Variants in ANKRD30A observed in about 807,000 individuals in gnomAD.
The protein encoded by ANKRD30A is ankyrin repeat domain 30A.
In ANKRD30A, 170 loss-of-function variants were observed where a neutral mutation model predicts 166.3. The observed-to-expected ratio is 1.02, with a 90% confidence interval of 0.90 to 1.16. The LOEUF is 1.16. Among genes scored for constraint, ANKRD30A ranks in the 50% most tolerant of loss-of-function variants. The pLI is 0.00. For missense variants in ANKRD30A, 1,630 were observed against 1,518.0 expected (o/e 1.07, Z -1.23); for synonymous variants, 564 against 508.9 (o/e 1.11, Z -1.46).
chr10:37,133,809 A>G, intron 4 of ANKRD30A, 107 bp from the exon 5 acceptor site: 1 of 1,343,270 alleles, frequency 7.4e-7, no homozygotes, highest in Non-Finnish European at 1.0e-6. Context: ...TTGAGCACTC[A>G]AGATACTTAT....
Position 37,206,776 on chromosome 10 carries a change from A to C in ANKRD30A, c.2869+5451A>C, listed in dbSNP as rs1842018267. ...TCCACTGCACTCCAGCCTGGGTGGCAGAGTGAGACTCCCATCTCAAAAAAA... is the reference window on the plus strand; with the variant it reads ...TCCACTGCACTCCAGCCTGGGTGGCCGAGTGAGACTCCCATCTCAAAAAAA... On this transcript the variant is annotated intron_variant, in intron 31 of 35. Transcript: ENST00000361713. Among the ~76,000 whole-genome samples the C allele has an allele frequency of 2.0e-5, 3 of 152,150 alleles. No individual in the cohort carries two copies. In the South Asian group the frequency reaches 6.2e-4, roughly 32 times the overall value.
intron 13 of ANKRD30A, among the ~76,000 whole-genome samples, chr10:37,156,354 G>A (rs1838379939): frequency 1.3e-5 from 2 of 151,932 alleles, no homozygotes; most frequent in South Asian, 4.1e-4. Flanking sequence ...CAACTCCAGT[G>A]TACCCCTTTA....
chr10:37,261,415 TA>T, the ANKRD30A span, among the ~76,000 whole-genome samples: 16 of 152,322 alleles, frequency 1.1e-4, no homozygotes, highest in East Asian at 2.9e-3. Flanking sequence ...TCAGCCATTA[TA>T]AATTGATTTT....
chr10:37,153,243 G>T (rs972309579), intron 12 of ANKRD30A, among the ~76,000 whole-genome samples: 4 of 152,132 alleles, frequency 2.6e-5, no homozygotes, highest in African/African-American at 7.2e-5. Context: ...ATTTATTTTT[G>T]ATGAGGACTA....
chr10:37,202,864 A>G (rs1016606071), intron 31 of ANKRD30A, among the ~76,000 whole-genome samples: 1 of 152,236 alleles, frequency 6.6e-6, no homozygotes, highest in Non-Finnish European at 1.5e-5. Flanking sequence ...AAACACCTCT[A>G]TGCAAATAAA....
intron 27 of ANKRD30A, among the ~76,000 whole-genome samples, chr10:37,195,650 G>C (rs1450530866): frequency 1.3e-5 from 2 of 152,142 alleles, no homozygotes; most frequent in African/African-American, 4.8e-5. Context: ...ATGCCAGCAC[G>C]TTGGGAGGCC....
intron 35 of ANKRD30A, among the ~76,000 whole-genome samples, chr10:37,232,085 C>T (rs1843434280): frequency 6.6e-6 from 1 of 151,872 alleles, no homozygotes; most frequent in Non-Finnish European, 1.5e-5. Flanking sequence ...GTTTTGCACC[C>T]CTAATCAGAA....
In ANKRD30A at chr10:37,166,333, A is replaced by C. The variant is rs189187101; in HGVS notation, c.2065-272A>C. ...AAGAGAGTTACTTTTTGAAATATGC[A>C]CGAGTGAATTTTTTTGTGAAGGTGA... On this transcript the variant is annotated intron_variant, in intron 18 of 35. Coordinates refer to ENST00000361713, the MANE Select transcript of ANKRD30A (RefSeq NM_052997.3). Among the ~76,000 whole-genome samples the C allele has an allele frequency of 3.9e-5, 6 of 152,372 alleles. No individual in the cohort carries two copies. In the East Asian group the frequency reaches 1.2e-3, roughly 29 times the overall value.
At chr10:37,142,339 C>T in intron 7 of ANKRD30A, 49 bp downstream of exon 7, 2 of 1,510,428 alleles carry the variant, frequency 1.3e-6, no homozygotes, top group Non-Finnish European at 1.8e-6. Flanking sequence ...CTTCAGGTTC[C>T]CTAGTGAAAA....
intron 7 of ANKRD30A, among the ~76,000 whole-genome samples, chr10:37,144,694 C>T (rs928980032): frequency 5.3e-5 from 8 of 152,090 alleles, no homozygotes; most frequent in African/African-American, 1.9e-4. Flanking sequence ...CAGCAAATAT[C>T]TGACATAGTA....
chr10:37,239,295 GA>G, the ANKRD30A span, among the ~76,000 whole-genome samples: 2 of 152,022 alleles, frequency 1.3e-5, no homozygotes, highest in African/African-American at 4.8e-5. Context: ...AGCTAACATT[GA>G]AAACTGGTTC....
the ANKRD30A span, among the ~76,000 whole-genome samples, chr10:37,255,085 T>C: frequency 7.2e-5 from 11 of 152,200 alleles, no homozygotes; most frequent in Non-Finnish European, 1.3e-4. Context: ...GTGCCATATC[T>C]AAGAAACTCT....
At chr10:37,225,263 T>C (rs1196693228) in intron 34 of ANKRD30A, among the ~76,000 whole-genome samples, 1 of 151,772 alleles carries the variant, frequency 6.6e-6, no homozygotes, top group Admixed American at 6.6e-5. Context: ...TTTCAAACTA[T>C]GTTACGTCGA....
At chr10:37,162,453 A>G (rs1257805680) in intron 15 of ANKRD30A, among the ~76,000 whole-genome samples, 196 bp from the exon 16 acceptor site, 3 of 152,110 alleles carry the variant, frequency 2.0e-5, no homozygotes, top group Admixed American at 6.6e-5. Context: ...GATCTGAGAA[A>G]CCTGTATTTA....
At chr10:37,204,982 C>A (rs182535473) in intron 31 of ANKRD30A, among the ~76,000 whole-genome samples, 1 of 152,062 alleles carries the variant, frequency 6.6e-6, no homozygotes, top group Non-Finnish European at 1.5e-5. Context: ...GAAATAGGAA[C>A]GCTTTTACAC....
rs142809833 is a variant in ANKRD30A at position 37,194,278 on chromosome 10, A to G, written c.2614+1020A>G. On this transcript the variant is annotated intron_variant, in intron 27 of 35. Transcript: ENST00000361713. ...AATTTGTTTTCATGTCTTATAGGCT[A>G]TGTGTAGAATTTGTTTTCATGTCTT... Among the ~76,000 whole-genome samples the G allele has an allele frequency of 2.6e-4, 40 of 152,226 alleles. No homozygotes were observed. The South Asian group carries it at 3.9e-3, about 15-fold the overall frequency.
chr10:37,179,009 G>A (rs180951999), intron 24 of ANKRD30A, among the ~76,000 whole-genome samples: 60 of 124,060 alleles, frequency 4.8e-4, no homozygotes, highest in African/African-American at 1.6e-3. Flanking sequence ...ACTATGAGGC[G>A]TCAAATATAT....
intron 13 of ANKRD30A, 115 bp from the exon 14 acceptor site, chr10:37,158,276 TA>T: frequency 6.9e-7 from 1 of 1,441,652 alleles, no homozygotes; most frequent in Non-Finnish European, 9.5e-7. Flanking sequence ...AAACATAGTG[TA>T]ATCCGTTTTG....
At chr10:37,141,413 A>G (rs1837097997) in intron 6 of ANKRD30A, among the ~76,000 whole-genome samples, 1 of 151,918 alleles carries the variant, frequency 6.6e-6, no homozygotes, top group African/African-American at 2.4e-5. Flanking sequence ...TCTACTAAAT[A>G]TGAAAAATTA....
Sources: allele counts gnomAD v4.1 joint callset (sites outside exome capture counted in the v4.1 genomes callset), GRCh38; gene constraint gnomAD v4.1.1; transcripts MANE v1.5; gene names NCBI Gene and HGNC (gene_info 2026-07-23, HGNC 2026-07-21).